The following CAMK1D variants were observed in gnomAD, a reference collection of about 807,000 sequenced individuals.
The protein encoded by CAMK1D is calcium/calmodulin-dependent protein kinase type 1D.
CAMK1D carries 9 observed loss-of-function variants against 47.7 expected under a neutral mutation model. The observed-to-expected ratio is 0.19, with a 90% CI of 0.11 to 0.33. The LOEUF is 0.33. Among genes scored for constraint, CAMK1D ranks in the 10% least tolerant of loss-of-function variants. CAMK1D has a pLI of 1.00. For missense variants in CAMK1D, 291 were observed against 488.7 expected, an observed-to-expected ratio of 0.60 and a Z score of 3.81; for synonymous variants, 184 against 184.9, an observed-to-expected ratio of 0.99 and a Z score of 0.04.
chr10:12,587,141 C>T (rs564408843), intron 2 of CAMK1D, among the ~76,000 whole-genome samples: 3 of 152,324 alleles, frequency 2.0e-5, no homozygotes, highest in African/African-American at 7.2e-5. Context: ...GTCCCATGCT[C>T]TGGTTTCATG....
chr10:12,689,162 G>A (rs1305623160), intron 3 of CAMK1D, among the ~76,000 whole-genome samples: 2 of 152,212 alleles, frequency 1.3e-5, no homozygotes, highest in African/African-American at 2.4e-5. Flanking sequence ...CTCTGTTGGG[G>A]TGACTCTCTG....
intron 2 of CAMK1D, among the ~76,000 whole-genome samples, chr10:12,600,659 G>A (rs779882024): frequency 3.3e-5 from 5 of 152,218 alleles, no homozygotes; most frequent in Non-Finnish European, 7.3e-5. Context: ...AGGAGTACAA[G>A]TACAGTTTTG....
chr10:12,517,041 T>C (rs1039129050), intron 1 of CAMK1D, among the ~76,000 whole-genome samples: 5 of 152,282 alleles, frequency 3.3e-5, no homozygotes, highest in African/African-American at 1.2e-4. Flanking sequence ...ATTTTGGTTT[T>C]CTTTGATTTC....
chr10:12,399,048 G>C (rs1839074748), intron 1 of CAMK1D, among the ~76,000 whole-genome samples: 2 of 152,076 alleles, frequency 1.3e-5, no homozygotes, highest in African/African-American at 2.4e-5. Flanking sequence ...TTCCTTTCTA[G>C]CAGGTCTCTC....
intron 8 of CAMK1D, among the ~76,000 whole-genome samples, chr10:12,818,346 G>C (rs770967773): frequency 6.6e-6 from 1 of 152,108 alleles, no homozygotes; most frequent in Non-Finnish European, 1.5e-5. Flanking sequence ...TAATAACCCT[G>C]TGAAGTTGTA....
rs879859484 is a variant in CAMK1D, at chr10:12,801,261, C to CCG, written c.641+10028_641+10029insCG. On this transcript the variant is annotated intron_variant, in intron 6 of 10. Transcript: ENST00000619168. Reference sequence around the variant, plus strand: ...TCCATCCATCCATCCATCCATCCATCTGTCCGTCCATCCATCCATATTTCT... The same window carrying CCG: ...TCCATCCATCCATCCATCCATCCATCCGTGTCCGTCCATCCATCCATATTTCT... 3.0e-3 allele frequency among the ~76,000 whole-genome samples: 450 copies of CCG among 151,312 alleles called. 2 individuals are homozygous for CCG. The highest frequency in any genetic ancestry group is 0.014 in the Admixed American group (219 of 15,228).
chr10:12,511,969 C>T (rs1403893331), intron 1 of CAMK1D, among the ~76,000 whole-genome samples: 1 of 152,250 alleles, frequency 6.6e-6, no homozygotes, highest in East Asian at 1.9e-4. Flanking sequence ...TGTTTGGACT[C>T]TCAGTTTCTT....
At chr10:12,750,990 G>A (rs1835918620) in intron 3 of CAMK1D, among the ~76,000 whole-genome samples, 1 of 152,184 alleles carries the variant, frequency 6.6e-6, no homozygotes, top group Non-Finnish European at 1.5e-5. Context: ...AGTGGAGGTT[G>A]CAGTGAGCTG....
intron 3 of CAMK1D, among the ~76,000 whole-genome samples, chr10:12,670,632 C>G (rs1450451738): frequency 6.6e-6 from 1 of 152,024 alleles, no homozygotes; most frequent in Non-Finnish European, 1.5e-5. Flanking sequence ...ACTGCAACCT[C>G]TGCCTCCCGG....
intron 1 of CAMK1D, among the ~76,000 whole-genome samples, chr10:12,370,808 G>A (rs532081182): frequency 6.6e-5 from 10 of 152,100 alleles, no homozygotes; most frequent in Admixed American, 3.9e-4. Context: ...GGGTTTCACC[G>A]TGCTGGCCAG....
chr10:12,351,894 T>C (rs1441173413), intron 1 of CAMK1D, among the ~76,000 whole-genome samples: 1 of 152,198 alleles, frequency 6.6e-6, no homozygotes, highest in Non-Finnish European at 1.5e-5. Context: ...CTTCCCACTG[T>C]AGCACTGGCA....
intron 1 of CAMK1D, among the ~76,000 whole-genome samples, chr10:12,529,077 A>G (rs1031776326): frequency 1.3e-4 from 20 of 151,920 alleles, no homozygotes; most frequent in African/African-American, 2.4e-5. Flanking sequence ...GGCTCAAGCA[A>G]TCCACCCGTC....
At chr10:12,823,270 A>G (rs1034453964) in intron 8 of CAMK1D, among the ~76,000 whole-genome samples, 5 of 152,268 alleles carry the variant, frequency 3.3e-5, no homozygotes, top group Non-Finnish European at 7.3e-5. Flanking sequence ...CCAGCCCATA[A>G]CGTTGGTTTC....
At chr10:12,479,946 C>T (rs375530610) in intron 1 of CAMK1D, among the ~76,000 whole-genome samples, 2 of 152,138 alleles carry the variant, frequency 1.3e-5, no homozygotes, top group African/African-American at 4.8e-5. Context: ...TTCTGCCCCC[C>T]CAAATGCCAC....
At chr10:12,520,490 G>A (rs1588583685) in intron 1 of CAMK1D, among the ~76,000 whole-genome samples, 1 of 63,022 alleles carries the variant, frequency 1.6e-5, no homozygotes, top group East Asian at 5.2e-4. Context: ...GACGATGGGC[G>A]GCCAGGCAGA....
intron 2 of CAMK1D, among the ~76,000 whole-genome samples, chr10:12,563,517 C>CT (rs1837011749): frequency 6.6e-6 from 1 of 152,198 alleles, no homozygotes; most frequent in African/African-American, 2.4e-5. Flanking sequence ...CTCACAGACA[C>CT]ACCAGAAATA....
chr10:12,796,655 A>G (rs1003132591), intron 6 of CAMK1D, among the ~76,000 whole-genome samples: 4 of 152,018 alleles, frequency 2.6e-5, no homozygotes, highest in South Asian at 2.1e-4. Flanking sequence ...GATGGCTGTT[A>G]TTCCTATCAG....
intron 1 of CAMK1D, among the ~76,000 whole-genome samples, chr10:12,486,874 G>A (rs1264065345): frequency 6.6e-6 from 1 of 152,120 alleles, no homozygotes; most frequent in Admixed American, 6.6e-5. Flanking sequence ...GGAGTTTGAG[G>A]CTGCAGTGAG....
Position 12,645,714 on chromosome 10 carries a change from C to T in CAMK1D, c.225-21022C>T, listed in dbSNP as rs569267051. ...CAAGCTGTGTGGGGGTGATGTGGCT[C>T]ACCAAATGAAAATCAAGAACGTAAC... On this transcript the variant is annotated intron_variant, in intron 2 of 10. Transcript: ENST00000619168. Among the ~76,000 whole-genome samples the T allele has an allele frequency of 2.6e-5, 4 of 152,218 alleles. 1 individual carries two copies. The highest frequency in any genetic ancestry group is 7.2e-5 in the African/African-American group (3 of 41,514).
Sources: gnomAD v4.1 joint callset for allele counts (sites outside exome capture counted in the v4.1 genomes callset) on GRCh38, gnomAD v4.1.1 for gene constraint, MANE v1.5 for transcripts, NCBI Gene and HGNC (gene_info 2026-07-23, HGNC 2026-07-21) for gene names.